OSBPL1A: variants seen among roughly 807,000 people sequenced by gnomAD.
The protein encoded by OSBPL1A is oxysterol-binding protein-related protein 1.
A neutral mutation model predicts 137.1 loss-of-function variants in OSBPL1A; 80 were observed. The observed-to-expected ratio is 0.58, with a 90% CI of 0.49 to 0.70. The LOEUF (loss-of-function observed/expected upper bound fraction) is 0.70, where lower values mean the gene tolerates loss of function less well. Among genes scored for constraint, OSBPL1A ranks in the 30% least tolerant of loss-of-function variants. OSBPL1A has a pLI of 0.00. For missense variants in OSBPL1A, 970 were observed against 1,129.4 expected (o/e 0.86, Z 2.02); for synonymous variants, 365 against 389.7 (o/e 0.94, Z 0.75).
chr18:24,328,506 C>G (rs1277665479), intron 7 of OSBPL1A, among the ~76,000 whole-genome samples: 1 of 152,268 alleles, frequency 6.6e-6, no homozygotes, highest in East Asian at 1.9e-4. Context: ...GAACCTGTAT[C>G]TGTCTTAGGG....
intron 1 of OSBPL1A, among the ~76,000 whole-genome samples, chr18:24,392,675 A>T (rs1599745798): frequency 6.6e-6 from 1 of 152,336 alleles, no homozygotes; most frequent in Middle Eastern, 3.4e-3. Flanking sequence ...TACCGTGCTT[A>T]GCCCTGCGCT....
chr18:24,301,217 C>A (rs1299679608), intron 14 of OSBPL1A: 1 of 152,168 alleles, frequency 6.6e-6, no homozygotes, highest in Admixed American at 6.5e-5. Flanking sequence ...TATCTCTAAA[C>A]AATGTTGATT....
intron 18 of OSBPL1A, among the ~76,000 whole-genome samples, chr18:24,188,970 T>A (rs532063917): frequency 7.9e-5 from 12 of 152,276 alleles, no homozygotes; most frequent in African/African-American, 2.6e-4. Context: ...AAAACAACAA[T>A]TCACATTATG....
chr18:24,262,995 C>T (rs1462189400), intron 15 of OSBPL1A, among the ~76,000 whole-genome samples: 2 of 152,126 alleles, frequency 1.3e-5, no homozygotes, highest in Admixed American at 6.5e-5. Context: ...TTCCACTGTA[C>T]ATTTATTCCA....
intron 15 of OSBPL1A, among the ~76,000 whole-genome samples, chr18:24,265,529 C>T (rs949837259): frequency 2.0e-5 from 3 of 152,064 alleles, no homozygotes; most frequent in Non-Finnish European, 2.9e-5. Flanking sequence ...ATTATGCTCA[C>T]AAATCATTTC....
intron 12 of OSBPL1A, among the ~76,000 whole-genome samples, chr18:24,313,078 C>G (rs1434425643): frequency 6.6e-6 from 1 of 151,064 alleles, no homozygotes; most frequent in Admixed American, 6.6e-5. Flanking sequence ...GAGCCAAGAT[C>G]ACACCAGTGC....
chr18:24,187,334 C>T (rs1359469461), intron 18 of OSBPL1A, among the ~76,000 whole-genome samples: 5 of 152,038 alleles, frequency 3.3e-5, no homozygotes, highest in East Asian at 3.9e-4. Flanking sequence ...CACAGCAGTG[C>T]GAGTGTACTG....
chr18:24,356,469 T>C (rs1427957529), intron 4 of OSBPL1A, among the ~76,000 whole-genome samples: 4 of 151,974 alleles, frequency 2.6e-5, no homozygotes, highest in African/African-American at 7.3e-5. Flanking sequence ...ATGAGGCCCC[T>C]GTGTTAGAAA....
intron 13 of OSBPL1A, among the ~76,000 whole-genome samples, chr18:24,309,103 A>C (rs2090565588): frequency 6.6e-6 from 1 of 152,176 alleles, no homozygotes; most frequent in Non-Finnish European, 1.5e-5. Context: ...TAATTAATTT[A>C]AATGTAAATA....
At chr18:24,389,162 T>C (rs1254139141) in intron 1 of OSBPL1A, among the ~76,000 whole-genome samples, 2 of 152,224 alleles carry the variant, frequency 1.3e-5, no homozygotes, top group Non-Finnish European at 2.9e-5. Context: ...GCGCACATGG[T>C]ATTTTTCAAG....
chr18:24,229,188 C>T (rs1054493679), intron 16 of OSBPL1A, among the ~76,000 whole-genome samples: 3 of 152,092 alleles, frequency 2.0e-5, no homozygotes, highest in Admixed American at 6.5e-5. Flanking sequence ...GGAGAGACAG[C>T]GAGACTCTGT....
chr18:24,378,990 G>C (rs1190569524), intron 1 of OSBPL1A, among the ~76,000 whole-genome samples: 1 of 151,764 alleles, frequency 6.6e-6, no homozygotes, highest in Admixed American at 6.6e-5. Context: ...GGGAAGAAAA[G>C]CAACCTAGAG....
In OSBPL1A at chr18:24,166,605, A is replaced by G; in HGVS notation, c.2633T>C (p.Ile878Thr). 1 of 1,612,836 alleles carries G rather than the reference A, an allele frequency of 6.2e-7. No individual in the cohort carries two copies. Among genetic ancestry groups the G allele is most frequent in the East Asian group, 2.2e-5 (1 of 44,752 alleles). The change falls in exon 26 of 28, where the codon ATC becomes ACC. Residue 878 changes from isoleucine (I) to threonine (T), a missense_variant. Ile to Thr is a moderately conservative substitution (Grantham distance 89). Transcript: ENST00000319481. Reference sequence around the variant, plus strand: ...TATCTCTCCATTTTCCATGGCTCTGATGTCAGGCCGTAACCTGCAGTCTGT... The same window carrying G: ...TATCTCTCCATTTTCCATGGCTCTGGTGTCAGGCCGTAACCTGCAGTCTGT... Reference protein sequence around the residue: ...PKTDCRLRPDIRAMENGEIDQ... With the variant: ...PKTDCRLRPDTRAMENGEIDQ...
intron 21 of OSBPL1A, among the ~76,000 whole-genome samples, chr18:24,175,889 GGAAAGGA>G (rs2086432508): frequency 1.3e-5 from 2 of 152,204 alleles, no homozygotes; most frequent in Admixed American, 1.3e-4. Context: ...GGTTGTCTGT[GGAAAGGA>G]CTATTCTTCT....
chr18:24,308,902 C>T (rs1403303491), intron 13 of OSBPL1A, among the ~76,000 whole-genome samples: 2 of 152,068 alleles, frequency 1.3e-5, no homozygotes, highest in Non-Finnish European at 2.9e-5. Context: ...TCCAGAGTAG[C>T]TGGGACTACA....
chr18:24,337,756 G>T (rs1440518709), intron 5 of OSBPL1A, among the ~76,000 whole-genome samples: 2 of 151,054 alleles, frequency 1.3e-5, no homozygotes, highest in African/African-American at 4.9e-5. Flanking sequence ...GGCTAAATCT[G>T]AATATAAAAA....
At position 24,178,986 on chromosome 18, in the gene OSBPL1A, A is replaced by G. The variant is rs576767881; in HGVS notation, c.1910+752T>C. 7 of 152,348 alleles carry G rather than the reference A, an allele frequency of 4.6e-5. No homozygotes were observed. The East Asian group carries it at 1.3e-3, about 29-fold the overall frequency. 9.4% of individuals were successfully genotyped at this position (152,348 alleles called of 1,614,324 possible). A position where few individuals can be genotyped will look rare whatever the true frequency, so the allele number is the denominator to read the frequency against. Reference sequence around the variant, plus strand: ...CATTGGCTTCATGCAAACAATATATACTTATGCTAATATATTTTATTTATA... The same window carrying G: ...CATTGGCTTCATGCAAACAATATATGCTTATGCTAATATATTTTATTTATA... On this transcript the variant is annotated intron_variant, in intron 20 of 27. Coordinates refer to ENST00000319481, the MANE Select transcript of OSBPL1A (RefSeq NM_080597.4).
chr18:24,236,490 T>C (rs765871490), intron 16 of OSBPL1A, among the ~76,000 whole-genome samples: 1 of 152,174 alleles, frequency 6.6e-6, no homozygotes, highest in Non-Finnish European at 1.5e-5. Context: ...AAGTCAGCAC[T>C]TGACAGGGCA....
At chr18:24,372,143 C>T (rs994768528) in intron 2 of OSBPL1A, among the ~76,000 whole-genome samples, 3 of 151,806 alleles carry the variant, frequency 2.0e-5, no homozygotes, top group Admixed American at 2.0e-4. Flanking sequence ...GGCGTGGTGG[C>T]GCACACCTGT....
Sources: allele counts gnomAD v4.1 joint callset (sites outside exome capture counted in the v4.1 genomes callset), GRCh38; gene constraint gnomAD v4.1.1; transcripts MANE v1.5; gene names NCBI Gene and HGNC (gene_info 2026-07-23, HGNC 2026-07-21).